The following CACNA1F variants were observed in gnomAD, a reference collection of about 807,000 sequenced individuals.
The protein encoded by CACNA1F is voltage-dependent L-type calcium channel subunit alpha-1F.
Under a neutral mutation model 143.8 loss-of-function variants are expected in CACNA1F, and 59 were observed. That is an observed-to-expected ratio of 0.41 (90% confidence interval 0.33 to 0.51). The LOEUF is 0.51. Among genes scored for constraint, CACNA1F ranks in the 20% least tolerant of loss-of-function variants. CACNA1F has a pLI of 0.22. For synonymous variants in CACNA1F, 643 were observed against 649.1 expected (o/e 0.99, Z 0.14); for missense variants, 1,411 against 1,647.5 (o/e 0.86, Z 2.48).
At chrX:49,231,079 G>A (rs1408470737) in intron 3 of CACNA1F, 90 bp from the exon 4 acceptor site, 6 of 843,964 alleles carry the variant, frequency 7.1e-6, no homozygotes, top group Non-Finnish European at 1.0e-5. Flanking sequence ...AGTCAGGACC[G>A]AGGGTGGGGC....
At position 49,224,828 on chromosome X, in the gene CACNA1F, C is replaced by A; in HGVS notation, c.1810G>T (p.Ala604Ser). The change falls in exon 14 of 48, where the codon GCC becomes TCC. Residue 604 changes from alanine to serine, a missense_variant. Ala to Ser is a moderately conservative substitution (Grantham distance 99). This residue lies in a region of CACNA1F where 950 missense variants were observed against 1,128.1 expected (regional missense o/e 0.84). Coordinates refer to ENST00000323022, the MANE Select transcript of CACNA1F (RefSeq NM_001256789.3). ...ACTGAGATGCCCAAGGGCTGCATGGCACCCACCTCCACCAAGGTGGTCTCT... is the reference window on the plus strand; with the variant it reads ...ACTGAGATGCCCAAGGGCTGCATGGAACCCACCTCCACCAAGGTGGTCTCT... ...ILETTLVEVG[A>S]MQPLGISVLR... 1 of 1,196,838 alleles carries A rather than the reference C, an allele frequency of 8.4e-7. No homozygotes were observed. The highest frequency in any genetic ancestry group is 1.1e-6 in the Non-Finnish European group (1 of 886,262).
At chrX:49,212,078 T>C (rs962906187) in intron 34 of CACNA1F, 89 bp from the exon 35 acceptor site, 1 of 852,328 alleles carries the variant, frequency 1.2e-6, no homozygotes, top group Non-Finnish European at 1.8e-6. Flanking sequence ...CTCATAACCC[T>C]GACAAACAGG....
chrX:49,207,791 G>A (rs60447486), intron 43 of CACNA1F, among the ~76,000 whole-genome samples: 10,114 of 109,897 alleles, frequency 0.092, 1,217 homozygotes, highest in African/African-American at 0.32. Flanking sequence ...GTATTGTCTA[G>A]CAGCTAAGTG....
intron 31 of CACNA1F, among the ~76,000 whole-genome samples, chrX:49,213,516 C>T (rs369577717): frequency 3.6e-5 from 4 of 111,851 alleles, no homozygotes; most frequent in South Asian, 3.7e-4. Context: ...GTGAACATGA[C>T]GGAGCCAATG....
chrX:49,226,000 G>A lies in CACNA1F; in HGVS notation c.1560C>T (p.Cys520=), dbSNP rs782043869. Residue 520 remains cysteine (C), a synonymous_variant, in exon 13 of 48, where the codon TGC becomes TGT. Coordinates refer to ENST00000323022, the MANE Select transcript of CACNA1F (RefSeq NM_001256789.3). ...AGACGAGCAACAGCACAGCCCAGTA[G>A]CAGGCATTGGACTTCACTGCCCGAC... ...RCRRAVKSNA[C]YWAVLLLVFL... is the part of the protein sequence containing the mutation. The A allele has an allele frequency of 8.5e-7, 1 of 1,182,755 alleles. No individual in the cohort carries two copies.
intron 12 of CACNA1F, 49 bp from the exon 13 acceptor site, chrX:49,226,118 C>T (rs974456040): frequency 8.6e-7 from 1 of 1,162,995 alleles, no homozygotes; most frequent in Non-Finnish European, 1.2e-6. Context: ...TAAGCCTGCC[C>T]TGGGGGGCTC....
chrX:49,226,680 G>A lies in CACNA1F; in HGVS notation c.1299C>T (p.Thr433=). 1 of 1,180,019 alleles carries A rather than the reference G, an allele frequency of 8.5e-7. No homozygotes were observed. The highest frequency in any genetic ancestry group is 1.9e-5 in the South Asian group (1 of 53,319). The change falls in exon 10 of 48, where the codon ACC becomes ACT. Residue 433 remains threonine, a synonymous_variant. Coordinates refer to ENST00000323022, the MANE Select transcript of CACNA1F (RefSeq NM_001256789.3). ...DNLGPQLAEL[T]NRRRGRLRWF... ...AGCGCAGACGTCCACGCCTCCTATT[G>A]GTCAGCTCGGCCAGCTGTGGCCCTG...
At chrX:49,225,790 T>C in intron 13 of CACNA1F, 119 bp downstream of exon 13, 1 of 512,834 alleles carries the variant, frequency 1.9e-6, no homozygotes, top group Non-Finnish European at 3.3e-6. Flanking sequence ...CTGGATTTAT[T>C]TGGGTAGGGG....
At chrX:49,211,289 C>A in intron 36 of CACNA1F, 33 bp downstream of exon 36, 2 of 1,205,670 alleles carry the variant, frequency 1.7e-6, no homozygotes, top group Non-Finnish European at 2.2e-6. Flanking sequence ...GCCCCCGTGA[C>A]GGTGGTGGTG....
chrX:49,221,961 T>C (rs1405692280), intron 17 of CACNA1F, among the ~76,000 whole-genome samples: 1 of 107,669 alleles, frequency 9.3e-6, no homozygotes, highest in Non-Finnish European at 1.9e-5. Context: ...CCAGCCTGGA[T>C]GACAAGAGTG....
chrX:49,213,784 G>A (rs782453857), intron 31 of CACNA1F, 35 bp downstream of exon 31: 1 of 1,012,855 alleles, frequency 9.9e-7, no homozygotes, highest in South Asian at 1.9e-5. Flanking sequence ...AGGTGTATAG[G>A]GCGAGAGTGG....
rs2065788186 is a variant in CACNA1F, at chrX:49,222,982, T to A, written c.2032A>T (p.Thr678Ser). 9 of 1,197,792 alleles carry A rather than the reference T, an allele frequency of 7.5e-6. No homozygotes were observed. Among genetic ancestry groups the A allele is most frequent in the Non-Finnish European group, 1.0e-5 (9 of 888,745 alleles). ...GGKFNFDQTHTKRSTFDTFPQ... is the reference protein window; with the variant it reads ...GGKFNFDQTHSKRSTFDTFPQ... ...AACGTGTCAAAGGTGCTTCGCTTGG[T>A]GTGGGTCTGGTCAAAGTTGAACTTG... is the stretch of plus-strand genomic sequence containing the variant. Residue 678 changes from threonine (T) to serine (S), a missense_variant, in exon 15 of 48, where the codon ACC becomes TCC. Physicochemically the swap from Thr to Ser is moderately conservative, Grantham distance 58. Transcript: ENST00000323022.
chrX:49,217,728 G>A (rs781793586), intron 26 of CACNA1F, 27 bp downstream of exon 26: 5 of 1,188,836 alleles, frequency 4.2e-6, no homozygotes, highest in African/African-American at 3.6e-5. Context: ...CCTGAGCTCC[G>A]TGGACGGCAG....
chrX:49,208,186 G>C (rs1334603704), intron 43 of CACNA1F, among the ~76,000 whole-genome samples: 3 of 90,427 alleles, frequency 3.3e-5, no homozygotes, highest in Non-Finnish European at 4.5e-5. Context: ...AGACAGAGCG[G>C]GACTCTGTCT....
At chrX:49,213,022 G>A (rs782089981) in intron 31 of CACNA1F, 28 bp from the exon 32 acceptor site, 3 of 1,179,422 alleles carry the variant, frequency 2.5e-6, no homozygotes, top group South Asian at 3.7e-5. Context: ...CAAGAAAAAG[G>A]TGATACAGGA....
At position 49,216,478 on chromosome X, in the gene CACNA1F, C is replaced by T. The variant is rs373254725; in HGVS notation, c.3140G>A (p.Arg1047Gln). The stretch of plus-strand genomic sequence containing the variant: ...ATCACTGTTGACCCAGAGCCGCTCC[C>T]GGACCAGGGGCCGTGACACGTCTCC... ...PDGDVSRPLV[R>Q]ERLWVNSDFN... The change falls in exon 27 of 48, where the codon CGG (arginine) becomes CAG (glutamine). Residue 1047 changes from arginine (R) to glutamine (Q), a missense_variant. This residue lies in a region of CACNA1F where 950 missense variants were observed against 1,128.1 expected (regional missense o/e 0.84). Coordinates refer to ENST00000323022, the MANE Select transcript of CACNA1F (RefSeq NM_001256789.3). 50 of 1,204,916 alleles carry T rather than the reference C, an allele frequency of 4.1e-5. No individual in the cohort carries two copies. The highest frequency in any genetic ancestry group is 4.6e-4 in the Middle Eastern group (2 of 4,363).
chrX:49,225,965 G>T lies in CACNA1F; in HGVS notation c.1595C>A (p.Thr532Lys). 1 of 1,171,318 alleles carries T rather than the reference G, an allele frequency of 8.5e-7. No homozygotes were observed. Among genetic ancestry groups the T allele is most frequent in the Non-Finnish European group, 1.1e-6 (1 of 874,712 alleles). ...WAVLLLVFLN[T>K]LTIASEHHGQ... is the part of the protein sequence containing the mutation. Reference sequence around the variant, plus strand: ...GTGGTGCTCAGAGGCGATGGTCAACGTGTTGAGGAAGACGAGCAACAGCAC... The same window carrying T: ...GTGGTGCTCAGAGGCGATGGTCAACTTGTTGAGGAAGACGAGCAACAGCAC... Residue 532 changes from threonine to lysine, a missense_variant, in exon 13 of 48, where the codon ACG (threonine) becomes AAG (lysine). Thr to Lys is a moderately conservative substitution (Grantham distance 78). Transcript: ENST00000323022.
At position 49,215,636 on chromosome X, in the gene CACNA1F, C is replaced by T. The variant is rs782708702; in HGVS notation, c.3237-93G>A. On this transcript the variant is annotated intron_variant, in intron 27 of 47. Coordinates refer to ENST00000323022, the MANE Select transcript of CACNA1F (RefSeq NM_001256789.3). ...CCCCCAGTCTACTTATCACAGACACCCCAGAGTTTCCTGCCTGGCACCCCA... is the reference window on the plus strand; with the variant it reads ...CCCCCAGTCTACTTATCACAGACACTCCAGAGTTTCCTGCCTGGCACCCCA... 5.1e-5 allele frequency: 29 copies of T among 567,908 alleles called. No individual in the cohort carries two copies. In the East Asian group the frequency reaches 1.1e-3, roughly 21 times the overall value. The allele number at this position is 567,908 out of a possible 1,213,427, so 46.8% of individuals were successfully genotyped here. A position where few individuals can be genotyped will look rare whatever the true frequency, so the allele number is the denominator to read the frequency against.
chrX:49,218,853 G>T (rs1223177758), intron 22 of CACNA1F, 29 bp downstream of exon 22: 4 of 1,165,458 alleles, frequency 3.4e-6, no homozygotes, highest in Non-Finnish European at 4.7e-6. Flanking sequence ...CAGGGCAACT[G>T]AGGGTAGGAC....
Sources: allele counts gnomAD v4.1 joint callset (sites outside exome capture counted in the v4.1 genomes callset), GRCh38; gene constraint gnomAD v4.1.1; regional missense constraint gnomAD v4.1.1; transcripts MANE v1.5; gene names NCBI Gene and HGNC (gene_info 2026-07-23, HGNC 2026-07-21).